KMO: variants seen among roughly 807,000 people sequenced by gnomAD.
KMO encodes the protein kynurenine 3-monooxygenase.
A neutral mutation model predicts 57.8 loss-of-function variants in KMO; 24 were observed. The observed-to-expected ratio is 0.42, with a 90% CI of 0.30 to 0.58. The LOEUF (loss-of-function observed/expected upper bound fraction) is 0.58. KMO is among the 20% of genes least tolerant of loss of function. The probability of loss-of-function intolerance (pLI) is 0.22; values close to 1 mark genes in which losing one functional copy is unlikely to be tolerated. For synonymous variants in KMO, 210 were observed against 193.6 expected (o/e 1.08, Z -0.70); for missense variants, 483 against 588.2 (o/e 0.82, Z 1.85).
chr1:241,581,165 C>T (rs631682), intron 10 of KMO, among the ~76,000 whole-genome samples: 22,632 of 151,908 alleles, frequency 0.15, 2,456 homozygotes, highest in African/African-American at 0.27. Flanking sequence ...TTATGATTTC[C>T]ATTTGCTTGG....
At chr1:241,543,972 G>T (rs1439774862) in intron 1 of KMO, among the ~76,000 whole-genome samples, 1 of 152,142 alleles carries the variant, frequency 6.6e-6, no homozygotes, top group Non-Finnish European at 1.5e-5. Context: ...GAAAAAGAAC[G>T]TAACAAACCC....
chr1:241,549,274 G>GAAGGAAGA lies in KMO; in HGVS notation c.124+379_124+380insGAAGAAAG, dbSNP rs71746703. Among the ~76,000 whole-genome samples, 143 of 44,380 alleles carry GAAGGAAGA rather than the reference G, an allele frequency of 3.2e-3. 4 individuals carry two copies. The South Asian group carries it at 0.052, about 16-fold the overall frequency. 29.1% of individuals were successfully genotyped at this position (44,380 alleles called of 152,430 possible). On this transcript the variant is annotated intron_variant, in intron 2 of 14. Transcript: ENST00000366559. ...GAAAGAAAGAAAGAAAGAAAGGAAG[G>GAAGGAAGA]AAGAAAGAAAGAAAGGAGAAAGAGC...
At chr1:241,550,775 AAGCTTCAGGATC>A (rs1187689618) in intron 3 of KMO, among the ~76,000 whole-genome samples, 168 bp from the exon 4 acceptor site, 1 of 152,056 alleles carries the variant, frequency 6.6e-6, no homozygotes, top group African/African-American at 2.4e-5. Context: ...AACAAACTAA[AAGCTTCAGGATC>A]ACCATTTTCA....
At chr1:241,563,765 T>A (rs1025626587) in intron 7 of KMO, among the ~76,000 whole-genome samples, 1 of 152,350 alleles carries the variant, frequency 6.6e-6, no homozygotes, top group East Asian at 1.9e-4. Flanking sequence ...TGTTTAGGCA[T>A]GGCAATGTGA....
intron 10 of KMO, among the ~76,000 whole-genome samples, chr1:241,585,021 G>C (rs1206683764): frequency 1.3e-5 from 2 of 151,536 alleles, no homozygotes; most frequent in Non-Finnish European, 2.9e-5. Flanking sequence ...AGGTCAGGAG[G>C]TTGAGGCCAG....
At chr1:241,563,275 AT>A in intron 7 of KMO, among the ~76,000 whole-genome samples, 1 of 152,304 alleles carries the variant, frequency 6.6e-6, no homozygotes, top group Middle Eastern at 3.4e-3. Flanking sequence ...TTAAGAAAAA[AT>A]TGCTAACAGA....
At chr1:241,539,769 C>T (rs1268545932) in intron 1 of KMO, among the ~76,000 whole-genome samples, 7 of 152,160 alleles carry the variant, frequency 4.6e-5, no homozygotes, top group Non-Finnish European at 1.0e-4. Context: ...AGTAATAAGG[C>T]CCAGGAGCCA....
At chr1:241,568,417 G>C in intron 9 of KMO, 83 bp from the exon 10 acceptor site, 2 of 1,366,254 alleles carry the variant, frequency 1.5e-6, no homozygotes, top group Non-Finnish European at 2.0e-6. Context: ...CTTCGTGATA[G>C]TTAATTTAGT....
chr1:241,533,926 G>A (rs1032677989), intron 1 of KMO, among the ~76,000 whole-genome samples: 4 of 152,186 alleles, frequency 2.6e-5, no homozygotes, highest in African/African-American at 9.7e-5. Flanking sequence ...ATTTCAGGCA[G>A]AGGGAACAGC....
intron 1 of KMO, among the ~76,000 whole-genome samples, chr1:241,548,152 G>T (rs2050506): frequency 0.43 from 65,545 of 151,576 alleles, 17,200 homozygotes; most frequent in Non-Finnish European, 0.58. Flanking sequence ...GGTAAATGGC[G>T]GGGCACAGTG....
intron 11 of KMO, 126 bp downstream of exon 11, chr1:241,586,862 A>AT: frequency 3.0e-6 from 2 of 667,424 alleles, no homozygotes; most frequent in South Asian, 4.2e-5. Flanking sequence ...AGGATTACAT[A>AT]TTTTTCTACT....
Position 241,582,453 on chromosome 1 carries a change from A to G in KMO, c.958-4226A>G, listed in dbSNP as rs534599708. Reference sequence around the variant, plus strand: ...TTCCTGGATCTTATATGTATGCTTAATTCTTTTTTATTCTTATTGTTTCCC... The same window carrying G: ...TTCCTGGATCTTATATGTATGCTTAGTTCTTTTTTATTCTTATTGTTTCCC... On this transcript the variant is annotated intron_variant, in intron 10 of 14. Transcript: ENST00000366559. 2.6e-4 allele frequency among the ~76,000 whole-genome samples: 40 copies of G among 152,178 alleles called. No homozygotes were observed. The South Asian group carries it at 7.7e-3, about 29-fold the overall frequency.
intron 5 of KMO, among the ~76,000 whole-genome samples, chr1:241,555,993 A>T (rs767829879): frequency 3.3e-5 from 5 of 152,132 alleles, no homozygotes; most frequent in Non-Finnish European, 5.9e-5. Flanking sequence ...CCTGAGGTGG[A>T]AGGATCACTT....
Position 241,595,571 on chromosome 1 carries a change from A to G in KMO, c.*3418A>G, listed in dbSNP as rs1663481842. On this transcript the variant is annotated 3_prime_UTR_variant, in exon 15 of 15. Transcript: ENST00000366559. ...ATGTAATTGTTATCCCATTATTTAG[A>G]GCGAAATAAATGTTGAATATATGGA... The G allele has an allele frequency of 6.6e-6, 1 of 152,240 alleles. No homozygotes were observed. The allele number at this position is 152,240 out of a possible 1,614,324, so 9.4% of individuals were successfully genotyped here.
At chr1:241,549,097 A>C (rs1661269753) in intron 2 of KMO, among the ~76,000 whole-genome samples, 199 bp downstream of exon 2, 1 of 151,584 alleles carries the variant, frequency 6.6e-6, no homozygotes, top group Admixed American at 6.6e-5. Flanking sequence ...TGGACCCAGG[A>C]GGCGGAGGTT....
intron 4 of KMO, among the ~76,000 whole-genome samples, chr1:241,553,854 G>A (rs151077969): frequency 7.9e-5 from 12 of 152,274 alleles, no homozygotes; most frequent in African/African-American, 2.6e-4. Flanking sequence ...ACAAAGACCA[G>A]AATTTCCTCT....
chr1:241,579,920 C>G (rs751640764), intron 10 of KMO, among the ~76,000 whole-genome samples: 2 of 152,144 alleles, frequency 1.3e-5, no homozygotes, highest in Non-Finnish European at 2.9e-5. Context: ...GAATAACCTC[C>G]CTTGGTTTGT....
intron 1 of KMO, among the ~76,000 whole-genome samples, chr1:241,547,583 CA>C (rs112450459): frequency 0.043 from 3,670 of 85,998 alleles, 48 homozygotes; most frequent in Middle Eastern, 0.1. Context: ...GACTCTGTCT[CA>C]AAAAAAAAAA....
intron 1 of KMO, among the ~76,000 whole-genome samples, chr1:241,542,717 A>T (rs114743668): frequency 0.014 from 2,156 of 152,260 alleles, 61 homozygotes; most frequent in African/African-American, 0.05. Flanking sequence ...GTCCTCCTTC[A>T]CTATTTATGC....
Sources: allele counts gnomAD v4.1 joint callset (sites outside exome capture counted in the v4.1 genomes callset), GRCh38; gene constraint gnomAD v4.1.1; transcripts MANE v1.5; gene names NCBI Gene and HGNC (gene_info 2026-07-23, HGNC 2026-07-21).